Variants in SLCO5A1 observed in about 807,000 individuals in gnomAD.
SLCO5A1 encodes solute carrier organic anion transporter family member 5A1, also known as organic anion transporter polypeptide-related protein 4.
A neutral mutation model predicts 65.1 loss-of-function variants in SLCO5A1; 39 were observed. The observed-to-expected ratio is 0.60, with a 90% CI of 0.46 to 0.78. The LOEUF (loss-of-function observed/expected upper bound fraction) is 0.78, where lower values mean the gene tolerates loss of function less well. Among genes scored for constraint, SLCO5A1 ranks in the 30% least tolerant of loss-of-function variants. SLCO5A1 has a pLI of 0.00. For synonymous variants in SLCO5A1, 438 were observed against 415.7 expected (o/e 1.05, Z -0.65); for missense variants, 1,029 against 1,069.4 (o/e 0.96, Z 0.53).
intron 7 of SLCO5A1, 84 bp from the exon 8 acceptor site, chr8:69,679,703 GTACTC>G: frequency 6.5e-7 from 1 of 1,544,486 alleles, no homozygotes; most frequent in Non-Finnish European, 8.8e-7. Flanking sequence ...TTAAGTAAAA[GTACTC>G]TAAAATAGCT....
At position 69,831,836 on chromosome 8, in the gene SLCO5A1, G is replaced by T. The variant is rs1821164149; in HGVS notation, c.838C>A (p.Pro280Thr). ...AQILIGMGST[P>T]IYTLGPTYLD... is the part of the protein sequence containing the mutation. ...TAGGTTGGTCCCAGGGTATAAATAGGTGTGGAGCCCATTCCAATGAGAATC... is the reference window on the plus strand; with the variant it reads ...TAGGTTGGTCCCAGGGTATAAATAGTTGTGGAGCCCATTCCAATGAGAATC... The change falls in exon 2 of 10, where the codon CCT becomes ACT. Residue 280 changes from proline to threonine, a missense_variant. Around this residue, in one of 3 missense-constraint regions of SLCO5A1, gnomAD observed 647 missense variants for 647.5 expected, o/e 1.00. Coordinates refer to ENST00000260126, the MANE Select transcript of SLCO5A1 (RefSeq NM_030958.3). The T allele has an allele frequency of 6.2e-7, 1 of 1,613,898 alleles. No homozygotes were observed. Among genetic ancestry groups the T allele is most frequent in the Admixed American group, 1.7e-5 (1 of 59,938 alleles).
At chr8:69,761,657 T>C (rs1817781243) in intron 3 of SLCO5A1, 86 bp downstream of exon 3, 17 of 1,467,002 alleles carry the variant, frequency 1.2e-5, no homozygotes, top group Middle Eastern at 2.1e-4. Flanking sequence ...TGTCTCCCCA[T>C]TGGAAAAATT....
chr8:69,697,059 A>T (rs557720713), intron 6 of SLCO5A1, among the ~76,000 whole-genome samples: 1 of 152,340 alleles, frequency 6.6e-6, no homozygotes, highest in East Asian at 1.9e-4. Flanking sequence ...GAACACAGGG[A>T]AAAGAGAAAA....
At chr8:69,790,709 G>A (rs1819228991) in intron 2 of SLCO5A1, among the ~76,000 whole-genome samples, 1 of 152,094 alleles carries the variant, frequency 6.6e-6, no homozygotes, top group South Asian at 2.1e-4. Flanking sequence ...GCACACATCA[G>A]AATAATATGC....
intron 5 of SLCO5A1, among the ~76,000 whole-genome samples, chr8:69,726,476 C>G (rs551402802): frequency 3.5e-4 from 52 of 148,430 alleles, no homozygotes; most frequent in Non-Finnish European, 7.6e-4. Flanking sequence ...CTCTTGCTTT[C>G]TCTTTCATTT....
chr8:69,780,154 G>C (rs776141184), intron 2 of SLCO5A1, among the ~76,000 whole-genome samples: 2 of 152,128 alleles, frequency 1.3e-5, no homozygotes, highest in Non-Finnish European at 2.9e-5. Flanking sequence ...AAAAATAACA[G>C]ATGTTGGCAA....
At chr8:69,797,048 T>C (rs974299329) in intron 2 of SLCO5A1, among the ~76,000 whole-genome samples, 5 of 152,214 alleles carry the variant, frequency 3.3e-5, no homozygotes, top group African/African-American at 1.2e-4. Context: ...TTCCTTCATC[T>C]TCCTGTGTTG....
chr8:69,739,308 A>G (rs1816700249), intron 4 of SLCO5A1, among the ~76,000 whole-genome samples: 1 of 152,180 alleles, frequency 6.6e-6, no homozygotes, highest in Admixed American at 6.5e-5. Flanking sequence ...TAGAAAGTTA[A>G]GATTACCTAT....
chr8:69,716,675 CT>C (rs1361821903), intron 5 of SLCO5A1, among the ~76,000 whole-genome samples: 1 of 151,710 alleles, frequency 6.6e-6, no homozygotes, highest in Admixed American at 6.6e-5. Context: ...GCTTATTTTT[CT>C]TTTTATTATT....
chr8:69,758,865 C>CA (rs1817637428), intron 3 of SLCO5A1, among the ~76,000 whole-genome samples: 1 of 152,176 alleles, frequency 6.6e-6, no homozygotes, highest in African/African-American at 2.4e-5. Context: ...AACCATGACT[C>CA]AGAGACCATT....
At chr8:69,795,903 G>A (rs550910613) in intron 2 of SLCO5A1, among the ~76,000 whole-genome samples, 9 of 152,364 alleles carry the variant, frequency 5.9e-5, no homozygotes, top group Middle Eastern at 3.4e-3. Flanking sequence ...TGCACCAACA[G>A]GGTTAACACT....
intron 5 of SLCO5A1, among the ~76,000 whole-genome samples, chr8:69,714,245 A>T (rs1815410743): frequency 6.6e-6 from 1 of 152,240 alleles, no homozygotes; most frequent in Admixed American, 6.5e-5. Flanking sequence ...TGTTTAAGGC[A>T]GAGAACAAAC....
chr8:69,832,450 C>A lies in SLCO5A1; in HGVS notation c.224G>T (p.Gly75Val), dbSNP rs758646737. 3.1e-6 allele frequency: 5 copies of A among 1,612,832 alleles called. No individual in the cohort carries two copies. The highest frequency in any genetic ancestry group is 4.2e-6 in the Non-Finnish European group (5 of 1,179,600). ...DSSGHQELKQGPNPLAPSPSA... is the reference protein window; with the variant it reads ...DSSGHQELKQVPNPLAPSPSA... ...GGGACTGGGGGCCAACGGGTTCGGG[C>A]CTTGCTTCAACTCCTGGTGGCCCGA... is the stretch of plus-strand genomic sequence containing the variant. Residue 75 changes from glycine (G) to valine (V), a missense_variant, in exon 2 of 10, where the codon GGC becomes GTC. This residue lies in a region of SLCO5A1 where 647 missense variants were observed against 647.5 expected (regional missense o/e 1.00). Transcript: ENST00000260126. The surrounding 1 kb of genome is among the most constrained non-coding windows in gnomAD (Gnocchi z 4.5).
Position 69,672,916 on chromosome 8 carries a change from C to T in SLCO5A1, c.2500G>A (p.Asp834Asn). 1.2e-6 allele frequency: 2 copies of T among 1,614,094 alleles called. No homozygotes were observed. Among genetic ancestry groups the T allele is most frequent in the Non-Finnish European group, 1.7e-6 (2 of 1,179,916 alleles). ...PFPEAISSSADPGLEESPAAL... is the reference protein window; with the variant it reads ...PFPEAISSSANPGLEESPAAL... ...GCGGGGCTCTCTTCCAGCCCCGGGT[C>T]CGCAGAGGAACTTATTGCTTCTGGG... is the stretch of plus-strand genomic sequence containing the variant. The change falls in exon 10 of 10, where the codon GAC (aspartate) becomes AAC (asparagine). Residue 834 changes from aspartate to asparagine, a missense_variant. Physicochemically the swap from Asp to Asn is conservative, Grantham distance 23. Transcript: ENST00000260126.
At chr8:69,678,412 T>C (rs1813633873) in intron 8 of SLCO5A1, among the ~76,000 whole-genome samples, 1 of 152,190 alleles carries the variant, frequency 6.6e-6, no homozygotes, top group Non-Finnish European at 1.5e-5. Context: ...GTAAACTTAC[T>C]GAGGCTCCAG....
At chr8:69,824,425 T>C (rs900369556) in intron 2 of SLCO5A1, among the ~76,000 whole-genome samples, 1 of 151,864 alleles carries the variant, frequency 6.6e-6, no homozygotes, top group African/African-American at 2.4e-5. Flanking sequence ...ATAGATGCAA[T>C]AAAAAATGAT....
intron 2 of SLCO5A1, among the ~76,000 whole-genome samples, chr8:69,767,699 G>C (rs1291319724): frequency 6.6e-6 from 1 of 151,680 alleles, no homozygotes; most frequent in Non-Finnish European, 1.5e-5. Context: ...AGACCAGCCT[G>C]ACCAACATGG....
chr8:69,752,618 TATC>T lies in SLCO5A1; in HGVS notation c.1258+2803_1258+2805del, dbSNP rs550633910. ...AATATTCTAATTGAACATCATTTTATATCATCAATGGCATTTTTAGCAAAAACA... is the reference window on the plus strand; with the variant it reads ...AATATTCTAATTGAACATCATTTTATATCAATGGCATTTTTAGCAAAAACA... On this transcript the variant is annotated intron_variant, in intron 4 of 9. Transcript: ENST00000260126. Among the ~76,000 whole-genome samples, 64 of 147,848 alleles carry T rather than the reference TATC, an allele frequency of 4.3e-4. No individual in the cohort carries two copies. The South Asian group carries it at 0.013, about 30-fold the overall frequency.
intron 7 of SLCO5A1, among the ~76,000 whole-genome samples, chr8:69,681,391 C>T (rs770061982): frequency 2.6e-5 from 4 of 152,082 alleles, no homozygotes; most frequent in Non-Finnish European, 5.9e-5. Context: ...GTCGGGAGTT[C>T]GAAACCAGCC....
Sources: gnomAD v4.1 joint callset for allele counts (sites outside exome capture counted in the v4.1 genomes callset) on GRCh38, gnomAD v4.1.1 for gene constraint, gnomAD v4.1.1 regional missense constraint, Gnocchi (gnomAD v3.1) non-coding constraint, MANE v1.5 for transcripts, NCBI Gene and HGNC (gene_info 2026-07-23, HGNC 2026-07-21) for gene names.